The following SYNPO2L variants were observed in gnomAD, a reference collection of about 807,000 sequenced individuals.
SYNPO2L encodes the protein synaptopodin 2 like.
A neutral mutation model predicts 47.5 loss-of-function variants in SYNPO2L; 34 were observed. The ratio of observed to expected loss-of-function variants is 0.72; its 90% confidence interval spans 0.54 to 0.95. SYNPO2L has a LOEUF of 0.95. Among genes scored for constraint, SYNPO2L ranks in the 40% least tolerant of loss-of-function variants. SYNPO2L has a pLI of 0.00. For synonymous variants in SYNPO2L, 536 were observed against 524.9 expected (o/e 1.02, Z -0.29); for missense variants, 1,246 against 1,282.0 (o/e 0.97, Z 0.43).
intron 3 of SYNPO2L, among the ~76,000 whole-genome samples, chr10:73,652,521 T>A (rs551907019): frequency 6.6e-6 from 1 of 152,140 alleles, no homozygotes; most frequent in Non-Finnish European, 1.5e-5. Context: ...ATACAAAAAA[T>A]TAGCCAGGTG....
Position 73,645,250 on chromosome 10 carries a change from T to C in SYNPO2L, c.*1468A>G. ...CCCTCACACCTCCCTTCCACCATCA[T>C]TCCCTTCCATTCTAACATTCTTCTC... On this transcript the variant is annotated 3_prime_UTR_variant, in exon 4 of 4. Transcript: ENST00000394810. 1.8e-6 allele frequency: 2 copies of C among 1,100,448 alleles called. No individual in the cohort carries two copies. Among genetic ancestry groups the C allele is most frequent in the Non-Finnish European group, 2.2e-6 (2 of 892,388 alleles). The allele number at this position is 1,100,448 out of a possible 1,614,324, so 68.2% of individuals were successfully genotyped here.
intron 3 of SYNPO2L, chr10:73,650,623 C>T: frequency 3.3e-6 from 3 of 914,832 alleles, no homozygotes; most frequent in South Asian, 5.1e-5. Flanking sequence ...TCACACATAT[C>T]TTCTCCCATG....
chr10:73,650,692 G>A (rs1168948869), intron 3 of SYNPO2L: 2 of 985,238 alleles, frequency 2.0e-6, no homozygotes, highest in Non-Finnish European at 2.4e-6. Context: ...CTGTTCCCAT[G>A]AGTTTTCTAC....
Position 73,644,953 on chromosome 10 carries a change from A to C in SYNPO2L, c.*1765T>G. ...TGACTCACACCCAACAAGCAAAGGAAATTATCACTTTCCAGATTACACAGC... is the reference window on the plus strand; with the variant it reads ...TGACTCACACCCAACAAGCAAAGGACATTATCACTTTCCAGATTACACAGC... On this transcript the variant is annotated 3_prime_UTR_variant, in exon 4 of 4. Transcript: ENST00000394810. 6 of 1,210,194 alleles carry C rather than the reference A, an allele frequency of 5.0e-6. No individual in the cohort carries two copies. The highest frequency in any genetic ancestry group is 6.4e-6 in the Non-Finnish European group (6 of 942,996). 75.0% of individuals were successfully genotyped at this position (1,210,194 alleles called of 1,614,324 possible). A position where few individuals can be genotyped will look rare whatever the true frequency, so the allele number is the denominator to read the frequency against.
intron 3 of SYNPO2L, chr10:73,649,797 C>A: frequency 6.1e-6 from 6 of 985,418 alleles, no homozygotes; most frequent in Non-Finnish European, 7.2e-6. Context: ...GGGCTTCACA[C>A]CCCTGCTACT....
rs144469305 is a variant in SYNPO2L, at chr10:73,645,861, G to A, written c.*857C>T. 924 of 985,140 alleles carry A rather than the reference G, an allele frequency of 9.4e-4. 6 individuals are homozygous for A. The African/African-American group carries it at 0.015, about 16-fold the overall frequency. The allele number at this position is 985,140 out of a possible 1,614,324, so 61.0% of individuals were successfully genotyped here. A position where few individuals can be genotyped will look rare whatever the true frequency, so the allele number is the denominator to read the frequency against. ...TTGTTTTGAGACAGAGTCTCGCTCC[G>A]TCGCCCAGGCTGGAGTGCAGTGGCG... On this transcript the variant is annotated 3_prime_UTR_variant, in exon 4 of 4. Coordinates refer to ENST00000394810, the MANE Select transcript of SYNPO2L (RefSeq NM_001114133.3).
In SYNPO2L at chr10:73,647,037, C is replaced by CCAGGAGT; in HGVS notation, c.2608_2614dup (p.Gly872AspfsTer48). ...TTTGGGGGACCCTGAGGCGATAGGG[C>CCAGGAGT]CAGGAGTCGGGGGAACCTCATCAAA... On this transcript the variant is annotated frameshift_variant, in exon 4 of 4. Coordinates refer to ENST00000394810, the MANE Select transcript of SYNPO2L (RefSeq NM_001114133.3). LOFTEE classifies it high-confidence loss of function. 1.9e-6 allele frequency: 3 copies of CCAGGAGT among 1,613,812 alleles called. No homozygotes were observed. The highest frequency in any genetic ancestry group is 2.5e-6 in the Non-Finnish European group (3 of 1,179,886).
chr10:73,648,469 G>C lies in SYNPO2L; in HGVS notation c.1183C>G (p.Arg395Gly). The change falls in exon 4 of 4, where the codon CGC becomes GGC. Residue 395 changes from arginine (R) to glycine (G), a missense_variant. Arg to Gly is a moderately radical substitution (Grantham distance 125). Around this residue, in one of 3 missense-constraint regions of SYNPO2L, gnomAD observed 1,037 missense variants for 1,021.5 expected, o/e 1.02. Transcript: ENST00000394810. ...GRGVQLFEQQ[R>G]QRADSSTQEL... is the part of the protein sequence containing the mutation. ...TGGGTGCTGGAGTCTGCGCGCTGGCGCTGCTGTTCAAAGAGCTGCACCCCT... is the reference window on the plus strand; with the variant it reads ...TGGGTGCTGGAGTCTGCGCGCTGGCCCTGCTGTTCAAAGAGCTGCACCCCT... 6.2e-7 allele frequency: 1 copy of C among 1,612,124 alleles called. No individual in the cohort carries two copies. The highest frequency in any genetic ancestry group is 8.5e-7 in the Non-Finnish European group (1 of 1,179,858).
At chr10:73,652,390 C>T (rs1051085633) in intron 3 of SYNPO2L, among the ~76,000 whole-genome samples, 1 of 151,868 alleles carries the variant, frequency 6.6e-6, no homozygotes, top group Non-Finnish European at 1.5e-5. Flanking sequence ...TGGCTTCTGC[C>T]GGGCATGGTG....
rs1281613551 is a variant in SYNPO2L at position 73,647,550 on chromosome 10, A to G, written c.2102T>C (p.Val701Ala). The change falls in exon 4 of 4, where the codon GTG becomes GCG. Residue 701 changes from valine (V) to alanine (A), a missense_variant. Physicochemically the swap from Val to Ala is moderately conservative, Grantham distance 64. This residue lies in a region of SYNPO2L where 1,037 missense variants were observed against 1,021.5 expected (regional missense o/e 1.02). Transcript: ENST00000394810. Reference sequence around the variant, plus strand: ...CATTGGAGGGGGGGTCTTAGGTGTCACGTGAGGCAGGGTCTTGTAACTCCT... The same window carrying G: ...CATTGGAGGGGGGGTCTTAGGTGTCGCGTGAGGCAGGGTCTTGTAACTCCT... The part of the protein sequence containing the change: ...GARSYKTLPH[V>A]TPKTPPPMAP... 6.2e-7 allele frequency: 1 copy of G among 1,602,922 alleles called. No homozygotes were observed. The highest frequency in any genetic ancestry group is 1.7e-5 in the Admixed American group (1 of 59,258).
chr10:73,650,098 G>C (rs957076832), intron 3 of SYNPO2L: 1 of 985,378 alleles, frequency 1.0e-6, no homozygotes, highest in Middle Eastern at 5.2e-4. Flanking sequence ...AAATGGGAGG[G>C]CTACCCTGCT....
At position 73,655,835 on chromosome 10, in the gene SYNPO2L, G is replaced by A; in HGVS notation, c.88C>T (p.Pro30Ser). The change falls in exon 1 of 4, where the codon CCG becomes TCG. Residue 30 changes from proline to serine, a missense_variant. By Grantham distance (74) the Pro-to-Ser change is moderately conservative. This residue lies in a region of SYNPO2L where 61 missense variants were observed against 55.6 expected (regional missense o/e 1.10). Transcript: ENST00000394810. ...RLHGGAEQRK[P>S]LQVSKIRRRS... The stretch of plus-strand genomic sequence containing the variant: ...TCCCTTACCTTAGACACCTGTAACG[G>A]TTTCCTCTGCTCGGCCCCCCCATGA... 1 of 1,550,238 alleles carries A rather than the reference G, an allele frequency of 6.5e-7. No homozygotes were observed. Among genetic ancestry groups the A allele is most frequent in the South Asian group, 1.2e-5 (1 of 84,002 alleles).
chr10:73,653,636 G>A lies in SYNPO2L; in HGVS notation c.275C>T (p.Pro92Leu). The A allele has an allele frequency of 6.5e-7, 1 of 1,546,390 alleles. No homozygotes were observed. ...CTCATGGGGAGATGGAGATTGCACAGGACCCTCGTCTGCTAACCTGGATAG... is the reference window on the plus strand; with the variant it reads ...CTCATGGGGAGATGGAGATTGCACAAGACCCTCGTCTGCTAACCTGGATAG... ...LTVQRLADEGPVQSPSPHELQ... is the reference protein window; with the variant it reads ...LTVQRLADEGLVQSPSPHELQ... The change falls in exon 3 of 4, where the codon CCT (proline) becomes CTT (leucine). Residue 92 changes from proline (P) to leucine (L), a missense_variant. By Grantham distance (98) the Pro-to-Leu change is moderately conservative. This residue lies in a region of SYNPO2L where 148 missense variants were observed against 204.8 expected (regional missense o/e 0.72). Transcript: ENST00000394810.
In SYNPO2L at chr10:73,648,583, G is replaced by T; in HGVS notation, c.1069C>A (p.Leu357Met). The T allele has an allele frequency of 6.2e-7, 1 of 1,614,194 alleles. No homozygotes were observed. The highest frequency in any genetic ancestry group is 8.5e-7 in the Non-Finnish European group (1 of 1,180,020). The change falls in exon 4 of 4, where the codon CTG (leucine) becomes ATG (methionine). Residue 357 changes from leucine to methionine, a missense_variant. By Grantham distance (15) the Leu-to-Met change is conservative (BLOSUM62 2). Coordinates refer to ENST00000394810, the MANE Select transcript of SYNPO2L (RefSeq NM_001114133.3). ...TNQSDWDSPYLDMELARAGSR... is the reference protein window; with the variant it reads ...TNQSDWDSPYMDMELARAGSR... The stretch of plus-strand genomic sequence containing the variant: ...CCCGCCCTGGCAAGCTCCATGTCCA[G>T]ATAGGGACTGTCCCAGTCAGATTGA...
chr10:73,653,006 T>TGTCCCCAAG, intron 3 of SYNPO2L, 133 bp downstream of exon 3: 3 of 1,108,936 alleles, frequency 2.7e-6, no homozygotes, highest in Non-Finnish European at 3.6e-6. Context: ...GCTCCCCTTC[T>TGTCCCCAAG]ACTCATTACC....
chr10:73,645,338 T>C lies in SYNPO2L; in HGVS notation c.*1380A>G, dbSNP rs2081735060. 1 of 1,064,540 alleles carries C rather than the reference T, an allele frequency of 9.4e-7. No individual in the cohort carries two copies. The highest frequency in any genetic ancestry group is 6.0e-5 in the Admixed American group (1 of 16,536). 65.9% of individuals were successfully genotyped at this position (1,064,540 alleles called of 1,614,324 possible). On this transcript the variant is annotated 3_prime_UTR_variant, in exon 4 of 4. Coordinates refer to ENST00000394810, the MANE Select transcript of SYNPO2L (RefSeq NM_001114133.3). ...TGGTTTCTTGTTACTCAACTTTACC[T>C]TCTCCCAATATGGCATTGTCCCTCG...
Position 73,647,673 on chromosome 10 carries a change from T to C in SYNPO2L, c.1979A>G (p.Asp660Gly), listed in dbSNP as rs749896968. ...PELLSLVQNL[D>G]EKPRAGGAES... ...TGCACCCCCGGCCCGAGGCTTTTCA[T>C]CCAGGTTCTGTACCAGCGATAGCAG... The change falls in exon 4 of 4, where the codon GAT becomes GGT. Residue 660 changes from aspartate (D) to glycine (G), a missense_variant. Physicochemically the swap from Asp to Gly is moderately conservative, Grantham distance 94 (BLOSUM62 -1). This residue lies in a region of SYNPO2L where 1,037 missense variants were observed against 1,021.5 expected (regional missense o/e 1.02). Transcript: ENST00000394810. 5 of 1,614,118 alleles carry C rather than the reference T, an allele frequency of 3.1e-6. No individual in the cohort carries two copies. The highest frequency in any genetic ancestry group is 4.2e-6 in the Non-Finnish European group (5 of 1,179,986).
chr10:73,655,369 C>A (rs2081870580), intron 1 of SYNPO2L, among the ~76,000 whole-genome samples: 2 of 151,734 alleles, frequency 1.3e-5, no homozygotes, highest in African/African-American at 4.8e-5. Context: ...AAGGCATGGG[C>A]AGGGCAGGGT....
chr10:73,647,698 G>A lies in SYNPO2L; in HGVS notation c.1954C>T (p.Leu652=), dbSNP rs376413443. ...TCCAGGTTCTGTACCAGCGATAGCAGCTCGGGGTTGGGCGAGTTCTTCGTC... is the reference window on the plus strand; with the variant it reads ...TCCAGGTTCTGTACCAGCGATAGCAACTCGGGGTTGGGCGAGTTCTTCGTC... The part of the protein sequence containing the change: ...EETKNSPNPE[L]LSLVQNLDEK... Residue 652 remains leucine (L), a synonymous_variant, in exon 4 of 4, where the codon CTG becomes TTG. Transcript: ENST00000394810. The A allele has an allele frequency of 1.9e-6, 3 of 1,614,166 alleles. No homozygotes were observed. The highest frequency in any genetic ancestry group is 2.5e-6 in the Non-Finnish European group (3 of 1,180,002).
Sources: allele counts gnomAD v4.1 joint callset (sites outside exome capture counted in the v4.1 genomes callset), GRCh38; gene constraint gnomAD v4.1.1; regional missense constraint gnomAD v4.1.1; transcripts MANE v1.5; gene names NCBI Gene and HGNC (gene_info 2026-07-23, HGNC 2026-07-21).